EML5: variants seen among roughly 807,000 people sequenced by gnomAD.
EML5 encodes EMAP like 5, also known as echinoderm microtubule-associated protein-like 5.
A neutral mutation model predicts 250.0 loss-of-function variants in EML5; 120 were observed. That is an observed-to-expected ratio of 0.48 (90% CI 0.41 to 0.56). The LOEUF (loss-of-function observed/expected upper bound fraction) is 0.56, where lower values mean the gene tolerates loss of function less well. Ranked by LOEUF, EML5 falls within the 20% of genes least tolerant of loss-of-function variation. EML5 has a pLI of 0.00. For synonymous variants in EML5, 771 were observed against 806.5 expected, an observed-to-expected ratio of 0.96 and a Z score of 0.75; for missense variants, 2,006 against 2,437.6, an observed-to-expected ratio of 0.82 and a Z score of 3.73.
intron 11 of EML5, 44 bp from the exon 12 acceptor site, chr14:88,705,632 C>T (rs200009435): frequency 4.6e-4 from 655 of 1,423,452 alleles, no homozygotes; most frequent in Non-Finnish European, 4.4e-4. Context: ...AAAGAAGATT[C>T]ATTTTCAAAA....
intron 33 of EML5, 130 bp from the exon 34 acceptor site, chr14:88,627,949 C>G (rs972681771): frequency 1.1e-6 from 1 of 899,416 alleles, no homozygotes; most frequent in African/African-American, 1.6e-5. Context: ...TAACAAAGAA[C>G]AGCTCAAAAC....
At position 88,792,347 on chromosome 14, in the gene EML5, T is replaced by C; in HGVS notation, c.157A>G (p.Arg53Gly). The change falls in exon 1 of 44, where the codon AGG (arginine) becomes GGG (glycine). Residue 53 changes from arginine (R) to glycine (G), a missense_variant. By Grantham distance (125) the Arg-to-Gly change is moderately radical (BLOSUM62 -2). This residue lies in a region of EML5 where 162 missense variants were observed against 212.2 expected (regional missense o/e 0.76). Coordinates refer to ENST00000554922, the MANE Select transcript of EML5 (RefSeq NM_183387.3). The surrounding 1 kb of genome is among the most constrained non-coding windows in gnomAD (Gnocchi z 6.9). ...CTGTGGCCCCGGTAGAACTTCTGCC[T>C]GTGCTCCCGCGGGCTGTACACCACG... ...VGVVYSPREH[R>G]QKFYRGHSDD... The C allele has an allele frequency of 1.3e-6, 2 of 1,567,686 alleles. No individual in the cohort carries two copies. The highest frequency in any genetic ancestry group is 2.4e-5 in the East Asian group (1 of 41,824).
rs2087491198 is a variant in EML5 at position 88,615,728 on chromosome 14, G to A, written c.*90C>T. The A allele has an allele frequency of 5.7e-6, 7 of 1,230,124 alleles. No individual in the cohort carries two copies. The highest frequency in any genetic ancestry group is 8.1e-6 in the Non-Finnish European group (7 of 866,920). The allele number at this position is 1,230,124 out of a possible 1,614,324, so 76.2% of individuals were successfully genotyped here. A position where few individuals can be genotyped will look rare whatever the true frequency, so the allele number is the denominator to read the frequency against. Reference sequence around the variant, plus strand: ...TTCTCCCTGTTACAGTCTTGGGTTAGCACCACTTGACCATGCAGGGTTGGG... The same window carrying A: ...TTCTCCCTGTTACAGTCTTGGGTTAACACCACTTGACCATGCAGGGTTGGG... On this transcript the variant is annotated 3_prime_UTR_variant, in exon 44 of 44. Transcript: ENST00000554922.
At chr14:88,702,043 T>C (rs938468679) in intron 14 of EML5, among the ~76,000 whole-genome samples, 1 of 152,170 alleles carries the variant, frequency 6.6e-6, no homozygotes, top group Non-Finnish European at 1.5e-5. Flanking sequence ...ATTACTATCA[T>C]GGTTGTAAAA....
At position 88,726,627 on chromosome 14, in the gene EML5, T is replaced by A; in HGVS notation, c.1101A>T (p.Glu367Asp). 1 of 1,574,058 alleles carries A rather than the reference T, an allele frequency of 6.4e-7. No individual in the cohort carries two copies. The highest frequency in any genetic ancestry group is 8.6e-7 in the Non-Finnish European group (1 of 1,158,012). ...CATTGACAGCTGCACAACGAATTGGTTCTTCCATATTACACCTTGCTATTA... is the reference window on the plus strand; with the variant it reads ...CATTGACAGCTGCACAACGAATTGGATCTTCCATATTACACCTTGCTATTA... ...HALIARCNMEEPIRCAAVNAD... is the reference protein window; with the variant it reads ...HALIARCNMEDPIRCAAVNAD... The change falls in exon 8 of 44, where the codon GAA (glutamate) becomes GAT (aspartate). Residue 367 changes from glutamate to aspartate, a missense_variant. Around this residue, in one of 7 missense-constraint regions of EML5, gnomAD observed 1,375 missense variants for 1,590.3 expected, o/e 0.86. Coordinates refer to ENST00000554922, the MANE Select transcript of EML5 (RefSeq NM_183387.3).
intron 1 of EML5, among the ~76,000 whole-genome samples, chr14:88,773,826 C>G (rs926248366): frequency 6.6e-6 from 1 of 150,490 alleles, no homozygotes; most frequent in Non-Finnish European, 1.5e-5. Flanking sequence ...TGATAAAAAA[C>G]TTATTACTGG....
chr14:88,767,116 G>C (rs2094330835), intron 1 of EML5, among the ~76,000 whole-genome samples: 1 of 152,140 alleles, frequency 6.6e-6, no homozygotes, highest in African/African-American at 2.4e-5. Context: ...AAATTTTCCA[G>C]AGAATGCTGA....
rs1287697147 is a variant in EML5, at chr14:88,614,245, G to A, written c.*1573C>T. 1 of 152,128 alleles carries A rather than the reference G, an allele frequency of 6.6e-6. No homozygotes were observed. Among genetic ancestry groups the A allele is most frequent in the Non-Finnish European group, 1.5e-5 (1 of 68,032 alleles). The allele number at this position is 152,128 out of a possible 1,614,324, so 9.4% of individuals were successfully genotyped here. A position where few individuals can be genotyped will look rare whatever the true frequency, so the allele number is the denominator to read the frequency against. The stretch of plus-strand genomic sequence containing the variant: ...ATTTATTGACTGACTGTAAATACAT[G>A]AGTAGAAACTTAATAGTCATGTATT... On this transcript the variant is annotated 3_prime_UTR_variant, in exon 44 of 44. Coordinates refer to ENST00000554922, the MANE Select transcript of EML5 (RefSeq NM_183387.3).
At chr14:88,642,040 T>A (rs1178380896) in intron 31 of EML5, among the ~76,000 whole-genome samples, 1 of 152,146 alleles carries the variant, frequency 6.6e-6, no homozygotes, top group Non-Finnish European at 1.5e-5. Context: ...TCCTGGTGAA[T>A]CCTTTTCTTT....
intron 1 of EML5, among the ~76,000 whole-genome samples, chr14:88,766,103 CTT>C (rs1467922775): frequency 6.6e-6 from 1 of 152,184 alleles, no homozygotes; most frequent in Non-Finnish European, 1.5e-5. Context: ...ACTTTAATCT[CTT>C]AATCTCGTCA....
intron 17 of EML5, among the ~76,000 whole-genome samples, chr14:88,691,613 T>G (rs193015356): frequency 6.8e-4 from 104 of 152,280 alleles, no homozygotes; most frequent in African/African-American, 2.4e-3. Flanking sequence ...GAGAGATTAA[T>G]AAATCATAAC....
intron 1 of EML5, among the ~76,000 whole-genome samples, chr14:88,772,875 G>A (rs1315100148): frequency 6.6e-6 from 1 of 152,102 alleles, no homozygotes; most frequent in Non-Finnish European, 1.5e-5. Context: ...AGCTCATTAT[G>A]CTATCAAAGT....
At position 88,750,342 on chromosome 14, in the gene EML5, G is replaced by A. The variant is rs569404818; in HGVS notation, c.358-4059C>T. On this transcript the variant is annotated intron_variant, in intron 2 of 43. Coordinates refer to ENST00000554922, the MANE Select transcript of EML5 (RefSeq NM_183387.3). ...ATATACACTATTTAAAGGAGTTAGA[G>A]TGCCTGATATATGGTTAATGTTATT... 2.1e-4 allele frequency among the ~76,000 whole-genome samples: 32 copies of A among 152,236 alleles called. No homozygotes were observed. In the South Asian group the frequency reaches 5.6e-3, roughly 27 times the overall value.
At chr14:88,786,466 G>T (rs1291071371) in intron 1 of EML5, among the ~76,000 whole-genome samples, 1 of 152,160 alleles carries the variant, frequency 6.6e-6, no homozygotes, top group African/African-American at 2.4e-5. Context: ...GTAAATATTT[G>T]CTGAAAGAAC....
chr14:88,737,774 C>T (rs966501520), intron 6 of EML5, among the ~76,000 whole-genome samples: 1 of 152,158 alleles, frequency 6.6e-6, no homozygotes, highest in Non-Finnish European at 1.5e-5. Context: ...TCTTCCTTCT[C>T]CCTTGTAGAC....
At chr14:88,657,574 A>G in intron 26 of EML5, 72 bp from the exon 27 acceptor site, 1 of 1,375,338 alleles carries the variant, frequency 7.3e-7, no homozygotes, top group South Asian at 1.7e-5. Context: ...AATTGGATAC[A>G]AAGATGTTCA....
At chr14:88,778,173 T>C (rs955607669) in intron 1 of EML5, among the ~76,000 whole-genome samples, 2 of 151,990 alleles carry the variant, frequency 1.3e-5, no homozygotes, top group Non-Finnish European at 1.5e-5. Flanking sequence ...AACTAAATCA[T>C]ATCACCAGAG....
At chr14:88,679,283 A>G (rs917206091) in intron 21 of EML5, among the ~76,000 whole-genome samples, 2 of 151,486 alleles carry the variant, frequency 1.3e-5, no homozygotes, top group Non-Finnish European at 2.9e-5. Flanking sequence ...ACACAACTCA[A>G]CTCACAACAA....
chr14:88,788,732 C>T (rs564095599), intron 1 of EML5, among the ~76,000 whole-genome samples: 23 of 152,060 alleles, frequency 1.5e-4, no homozygotes, highest in South Asian at 4.2e-4. Flanking sequence ...AATTTGCTTA[C>T]GGGAAGTACC....
Sources: allele counts gnomAD v4.1 joint callset (sites outside exome capture counted in the v4.1 genomes callset), GRCh38; gene constraint gnomAD v4.1.1; regional missense constraint gnomAD v4.1.1; non-coding constraint Gnocchi (gnomAD v3.1); transcripts MANE v1.5; gene names NCBI Gene and HGNC (gene_info 2026-07-23, HGNC 2026-07-21).